DGKB: variants seen among roughly 807,000 people sequenced by gnomAD.
The protein encoded by DGKB is 90 kDa diacylglycerol kinase.
Under a neutral mutation model 114.3 loss-of-function variants are expected in DGKB, and 67 were observed. The observed-to-expected ratio is 0.59, with a 90% CI of 0.48 to 0.72. The LOEUF is 0.72. Ranked by LOEUF, DGKB falls within the 30% of genes least tolerant of loss-of-function variation. The pLI is 0.00. For synonymous variants in DGKB, 398 were observed against 323.1 expected (o/e 1.23, Z -2.49); for missense variants, 907 against 975.2 (o/e 0.93, Z 0.93).
chr7:14,866,447 T>C (rs1851726064), intron 1 of DGKB, among the ~76,000 whole-genome samples: 8 of 152,210 alleles, frequency 5.3e-5, no homozygotes, highest in Admixed American at 4.6e-4. Flanking sequence ...TCTTTTGTAC[T>C]GTTCTGTAAT....
chr7:14,626,151 C>T (rs1388550731), intron 14 of DGKB, among the ~76,000 whole-genome samples: 1 of 152,184 alleles, frequency 6.6e-6, no homozygotes, highest in African/African-American at 2.4e-5. Context: ...TATTTGTACA[C>T]TGGTGAAAAC....
intron 25 of DGKB, among the ~76,000 whole-genome samples, chr7:14,171,710 G>A (rs1338352292): frequency 3.3e-5 from 5 of 152,128 alleles, no homozygotes; most frequent in Admixed American, 3.3e-4. Flanking sequence ...AAAAATATGT[G>A]AATGAATTGC....
At chr7:14,964,970 T>C (rs1288196979) in intron 1 of DGKB, among the ~76,000 whole-genome samples, 1 of 152,042 alleles carries the variant, frequency 6.6e-6, no homozygotes, top group Non-Finnish European at 1.5e-5. Flanking sequence ...AAATAAGGGA[T>C]ATGGATTGAC....
intron 23 of DGKB, among the ~76,000 whole-genome samples, chr7:14,258,219 G>T (rs943850810): frequency 1.2e-4 from 19 of 152,208 alleles, no homozygotes; most frequent in African/African-American, 4.6e-4. Flanking sequence ...GTGATACCAT[G>T]TATTCAAGTA....
At chr7:14,214,021 C>A (rs1788560842) in intron 23 of DGKB, among the ~76,000 whole-genome samples, 2 of 152,080 alleles carry the variant, frequency 1.3e-5, no homozygotes, top group African/African-American at 4.8e-5. Flanking sequence ...TTTATCTCTT[C>A]CCAAGTACTC....
chr7:14,264,297 T>C (rs544556537), intron 23 of DGKB, among the ~76,000 whole-genome samples: 22 of 152,332 alleles, frequency 1.4e-4, no homozygotes, highest in Admixed American at 3.3e-4. Flanking sequence ...CAGAAATTTA[T>C]CTGAAATAGC....
In DGKB at chr7:14,723,818, C is replaced by T. The variant is rs558695606; in HGVS notation, c.323-5133G>A. Among the ~76,000 whole-genome samples the T allele has an allele frequency of 2.6e-5, 4 of 152,170 alleles. No individual in the cohort carries two copies. In the East Asian group the frequency reaches 5.8e-4, roughly 22 times the overall value. On this transcript the variant is annotated intron_variant, in intron 5 of 25. Coordinates refer to ENST00000402815, the MANE Select transcript of DGKB (RefSeq NM_001350709.2). The stretch of plus-strand genomic sequence containing the variant: ...AAAAAGTAGTTAGCATTAGTCATAT[C>T]GAATGTTGCCTATGATTATCACATT...
intron 7 of DGKB, among the ~76,000 whole-genome samples, chr7:14,699,028 G>T (rs79888218): frequency 4.6e-5 from 7 of 151,900 alleles, no homozygotes; most frequent in African/African-American, 1.4e-4. Context: ...ATATGTAGTC[G>T]ATGTTCATGG....
intron 2 of DGKB, chr7:14,814,125 A>T (rs1843780428): frequency 6.6e-6 from 1 of 152,204 alleles, no homozygotes. Context: ...ATCCAAGCCA[A>T]CTAGAGACTG....
chr7:14,897,402 G>T (rs1011918716), intron 1 of DGKB, among the ~76,000 whole-genome samples: 1 of 151,770 alleles, frequency 6.6e-6, no homozygotes, highest in African/African-American at 2.4e-5. Flanking sequence ...TTGCAGATAT[G>T]ATTCACTATT....
intron 12 of DGKB, among the ~76,000 whole-genome samples, chr7:14,676,946 A>C (rs1188848018): frequency 6.6e-6 from 1 of 151,986 alleles, no homozygotes; most frequent in Non-Finnish European, 1.5e-5. Flanking sequence ...TCATTTTTAA[A>C]TATACATCCA....
intron 1 of DGKB, among the ~76,000 whole-genome samples, chr7:14,910,383 A>G (rs1007705883): frequency 2.0e-5 from 3 of 152,104 alleles, no homozygotes; most frequent in African/African-American, 7.2e-5. Context: ...CACCTATGAT[A>G]AGTAATTTAT....
At chr7:14,796,503 T>C (rs1394309743) in intron 2 of DGKB, among the ~76,000 whole-genome samples, 3 of 151,986 alleles carry the variant, frequency 2.0e-5, no homozygotes, top group African/African-American at 4.8e-5. Flanking sequence ...CTTTGAAAAA[T>C]TGTAATCAGA....
intron 21 of DGKB, among the ~76,000 whole-genome samples, chr7:14,363,839 C>T (rs1197069617): frequency 2.0e-5 from 3 of 152,032 alleles, no homozygotes; most frequent in African/African-American, 7.2e-5. Context: ...TTCATATCTA[C>T]ACTCTTAGAG....
chr7:14,925,500 T>C (rs531237810), intron 1 of DGKB, among the ~76,000 whole-genome samples: 6 of 152,282 alleles, frequency 3.9e-5, no homozygotes, highest in Admixed American at 1.3e-4. Flanking sequence ...GGAGTATTGA[T>C]AGATTTTATT....
intron 2 of DGKB, among the ~76,000 whole-genome samples, chr7:14,780,247 A>G (rs1252966498): frequency 2.6e-5 from 4 of 152,206 alleles, no homozygotes; most frequent in Non-Finnish European, 5.9e-5. Flanking sequence ...ACAGATCTGG[A>G]AAATTCTCCA....
intron 21 of DGKB, among the ~76,000 whole-genome samples, chr7:14,394,215 G>T (rs561215615): frequency 3.3e-5 from 5 of 152,140 alleles, no homozygotes; most frequent in African/African-American, 1.2e-4. Flanking sequence ...TTACTTGGGA[G>T]ATATTTCTAA....
chr7:14,217,872 T>G (rs1789260146), intron 23 of DGKB, among the ~76,000 whole-genome samples: 1 of 152,148 alleles, frequency 6.6e-6, no homozygotes, highest in Admixed American at 6.6e-5. Flanking sequence ...CTTTGTCCAT[T>G]GAAGTCTAGA....
intron 23 of DGKB, among the ~76,000 whole-genome samples, chr7:14,311,215 G>A (rs750174763): frequency 7.9e-5 from 12 of 152,236 alleles, no homozygotes; most frequent in Non-Finnish European, 1.3e-4. Context: ...GAAGGCATAT[G>A]GGAGCCAGAT....
Sources: allele counts gnomAD v4.1 joint callset (sites outside exome capture counted in the v4.1 genomes callset), GRCh38; gene constraint gnomAD v4.1.1; transcripts MANE v1.5; gene names NCBI Gene and HGNC (gene_info 2026-07-23, HGNC 2026-07-21).